Variants in KLHL2 observed in about 807,000 individuals in gnomAD.
The protein encoded by KLHL2 is kelch like family member 2, also known as kelch-like protein 2.
KLHL2 carries 15 observed loss-of-function variants against 75.8 expected under a neutral mutation model. The observed-to-expected ratio is 0.20, with a 90% CI of 0.13 to 0.30. The LOEUF (loss-of-function observed/expected upper bound fraction) is 0.30, where lower values mean the gene tolerates loss of function less well. Ranked by LOEUF, KLHL2 falls within the 10% of genes least tolerant of loss-of-function variation. The pLI is 1.00. For missense variants in KLHL2, 381 were observed against 741.0 expected (o/e 0.51, Z 5.64); for synonymous variants, 214 against 251.9 (o/e 0.85, Z 1.42).
At chr4:165,240,397 A>G (rs1333304839) in intron 4 of KLHL2, 1 of 152,228 alleles carries the variant, frequency 6.6e-6, no homozygotes, top group Non-Finnish European at 1.5e-5. Context: ...TACTGGCAGT[A>G]GTAAGGCCTC....
At chr4:165,216,950 A>G (rs1737587887) in intron 1 of KLHL2, among the ~76,000 whole-genome samples, 1 of 152,184 alleles carries the variant, frequency 6.6e-6, no homozygotes, top group South Asian at 2.1e-4. Context: ...GAGAGCACCA[A>G]TGTGGGCATT....
At chr4:165,298,443 G>C (rs1269759618) in intron 7 of KLHL2, among the ~76,000 whole-genome samples, 2 of 152,008 alleles carry the variant, frequency 1.3e-5, no homozygotes, top group Admixed American at 6.6e-5. Context: ...TGTGAAAAAT[G>C]ATTCTTTAGT....
intron 4 of KLHL2, among the ~76,000 whole-genome samples, chr4:165,239,996 T>C (rs1396072307): frequency 1.3e-5 from 2 of 152,184 alleles, no homozygotes; most frequent in African/African-American, 4.8e-5. Context: ...TATATATATA[T>C]ATGTATGATT....
intron 3 of KLHL2, among the ~76,000 whole-genome samples, chr4:165,229,157 T>C (rs755661037): frequency 2.2e-4 from 34 of 152,238 alleles, no homozygotes; most frequent in Non-Finnish European, 4.3e-4. Context: ...GTTATACTTA[T>C]GTATATTAGT....
intron 4 of KLHL2, among the ~76,000 whole-genome samples, chr4:165,240,864 T>A (rs1357053943): frequency 1.3e-5 from 2 of 152,208 alleles, no homozygotes; most frequent in Non-Finnish European, 2.9e-5. Context: ...GCCCTGAATG[T>A]TGTTTGTAGT....
At chr4:165,228,561 A>G (rs1452417392) in intron 2 of KLHL2, among the ~76,000 whole-genome samples, 1 of 152,070 alleles carries the variant, frequency 6.6e-6, no homozygotes, top group Non-Finnish European at 1.5e-5. Context: ...ATCAGTAATC[A>G]AGTTTGGGAG....
intron 5 of KLHL2, among the ~76,000 whole-genome samples, chr4:165,284,405 G>T (rs1376977301): frequency 6.6e-6 from 1 of 151,976 alleles, no homozygotes; most frequent in Non-Finnish European, 1.5e-5. Context: ...CAAGTTCAAA[G>T]TTCCACAGTT....
At chr4:165,261,703 C>A (rs1048811547) in intron 4 of KLHL2, among the ~76,000 whole-genome samples, 1 of 152,112 alleles carries the variant, frequency 6.6e-6, no homozygotes, top group Non-Finnish European at 1.5e-5. Context: ...TTTTCTTGAG[C>A]CTTTAGATTC....
At chr4:165,225,860 A>G (rs903338978) in intron 2 of KLHL2, among the ~76,000 whole-genome samples, 1 of 152,220 alleles carries the variant, frequency 6.6e-6, no homozygotes, top group African/African-American at 2.4e-5. Context: ...TGTCTCTGAG[A>G]CCTAACCCAG....
intron 5 of KLHL2, among the ~76,000 whole-genome samples, chr4:165,289,353 C>G (rs1336111656): frequency 6.6e-6 from 1 of 151,922 alleles, no homozygotes; most frequent in Non-Finnish European, 1.5e-5. Context: ...GATATCAATA[C>G]TTAAAAATTT....
intron 2 of KLHL2, among the ~76,000 whole-genome samples, chr4:165,226,150 T>C (rs1263452662): frequency 5.3e-5 from 8 of 152,228 alleles, no homozygotes; most frequent in Admixed American, 3.9e-4. Context: ...ACTTGACTCA[T>C]GTTTGAGTTG....
At chr4:165,254,281 A>G (rs1392379079) in intron 4 of KLHL2, among the ~76,000 whole-genome samples, 10 of 152,216 alleles carry the variant, frequency 6.6e-5, no homozygotes, top group Non-Finnish European at 1.2e-4. Context: ...TTTTAAAGCC[A>G]TTATTAGTCT....
Position 165,245,254 on chromosome 4 carries a change from T to C in KLHL2, c.381+6355T>C, listed in dbSNP as rs144585281. Among the ~76,000 whole-genome samples, 546 of 152,218 alleles carry C rather than the reference T, an allele frequency of 3.6e-3. 3 individuals carry two copies. Among genetic ancestry groups the C allele is most frequent in the African/African-American group, 0.012 (497 of 41,528 alleles). On this transcript the variant is annotated intron_variant, in intron 4 of 14. Transcript: ENST00000226725. ...ACTGAGGGTAGCATGCAGTCCAAAC[T>C]GAAATGTTTAGAGGTGAGTTACAGA...
intron 5 of KLHL2, among the ~76,000 whole-genome samples, chr4:165,271,768 T>G (rs1560790815): frequency 6.6e-6 from 1 of 152,224 alleles, no homozygotes; most frequent in Admixed American, 6.5e-5. Flanking sequence ...GACTCTGCTT[T>G]GCATCTATGA....
intron 4 of KLHL2, among the ~76,000 whole-genome samples, chr4:165,243,189 A>C: frequency 6.6e-6 from 1 of 152,206 alleles, no homozygotes; most frequent in Non-Finnish European, 1.5e-5. Context: ...GAGAATCCTA[A>C]AGGATCTTGA....
At chr4:165,298,263 ATCT>A (rs1745069596) in intron 7 of KLHL2, among the ~76,000 whole-genome samples, 2 of 144,522 alleles carry the variant, frequency 1.4e-5, no homozygotes, top group South Asian at 4.2e-4. Flanking sequence ...ACTGCTTTGC[ATCT>A]TCTTTACTGT....
intron 10 of KLHL2, among the ~76,000 whole-genome samples, chr4:165,310,980 G>A (rs547276199): frequency 8.6e-5 from 13 of 151,020 alleles, no homozygotes; most frequent in East Asian, 2.0e-4. Context: ...TCAGCCTCCC[G>A]AGCAGCTGGG....
chr4:165,264,605 T>TAC lies in KLHL2; in HGVS notation c.544+1257_544+1258dup, dbSNP rs1553957952. Among the ~76,000 whole-genome samples the TAC allele has an allele frequency of 1.1e-3, 131 of 124,106 alleles. 1 individual carries two copies. Among genetic ancestry groups the TAC allele is most frequent in the Middle Eastern group, 8.5e-3 (2 of 236 alleles). 81.4% of individuals were successfully genotyped at this position (124,106 alleles called of 152,430 possible). A position where few individuals can be genotyped will look rare whatever the true frequency, so the allele number is the denominator to read the frequency against. ...TCCATCATATATATATATATATATA[T>TAC]ACACACACACACGTACGTATATACA... On this transcript the variant is annotated intron_variant, in intron 5 of 14. Coordinates refer to ENST00000226725, the MANE Select transcript of KLHL2 (RefSeq NM_007246.4).
At position 165,253,860 on chromosome 4, in the gene KLHL2, G is replaced by A. The variant is rs1396704441; in HGVS notation, c.382-9337G>A. The stretch of plus-strand genomic sequence containing the variant: ...TATGCTGTTGTGTATTTCAGTAGTC[G>A]TCCCTGTTTATTGATGAGTATTGCA... On this transcript the variant is annotated intron_variant, in intron 4 of 14. Coordinates refer to ENST00000226725, the MANE Select transcript of KLHL2 (RefSeq NM_007246.4). Among the ~76,000 whole-genome samples the A allele has an allele frequency of 3.3e-5, 5 of 152,254 alleles. No individual in the cohort carries two copies. The Middle Eastern group carries it at 0.01, about 311-fold the overall frequency.
Sources: allele counts gnomAD v4.1 joint callset (sites outside exome capture counted in the v4.1 genomes callset), GRCh38; gene constraint gnomAD v4.1.1; transcripts MANE v1.5; gene names NCBI Gene and HGNC (gene_info 2026-07-23, HGNC 2026-07-21).